Variants in SUGT1 observed in about 807,000 individuals in gnomAD.
SUGT1 encodes protein SGT1 homolog.
A neutral mutation model predicts 56.1 loss-of-function variants in SUGT1; 15 were observed. That is an observed-to-expected ratio of 0.27 (90% CI 0.18 to 0.41). The LOEUF is 0.41. Among genes scored for constraint, SUGT1 ranks in the 10% least tolerant of loss-of-function variants. The pLI, the probability that SUGT1 is intolerant of heterozygous loss-of-function variation, is 1.00. For synonymous variants in SUGT1, 123 were observed against 128.6 expected, an observed-to-expected ratio of 0.96 and a Z score of 0.30; for missense variants, 347 against 382.2, an observed-to-expected ratio of 0.91 and a Z score of 0.77.
rs557491475 is a variant in SUGT1, at chr13:52,686,617, C to T, written c.901-1117C>T. Among the ~76,000 whole-genome samples, 8 of 152,248 alleles carry T rather than the reference C, an allele frequency of 5.3e-5. 1 individual carries two copies. The South Asian group carries it at 8.3e-4, about 16-fold the overall frequency. On this transcript the variant is annotated intron_variant, in intron 12 of 12. Transcript: ENST00000310528. ...TGTAAGGGAGCTCGGTAGAGCGTGT[C>T]GGACATGGGGTTACATTGAGGTTCC...
intron 2 of SUGT1, among the ~76,000 whole-genome samples, chr13:52,653,500 T>G (rs1225602658): frequency 6.6e-6 from 1 of 152,202 alleles, no homozygotes; most frequent in Non-Finnish European, 1.5e-5. Context: ...CGGTATGAAG[T>G]CAGTCTACTG....
intron 11 of SUGT1, among the ~76,000 whole-genome samples, chr13:52,677,559 C>G (rs1963198826): frequency 6.6e-6 from 1 of 152,186 alleles, no homozygotes; most frequent in South Asian, 2.1e-4. Flanking sequence ...TAGTATCTTA[C>G]TTAATTCTAA....
intron 10 of SUGT1, among the ~76,000 whole-genome samples, chr13:52,675,599 C>G (rs1340539444): frequency 6.6e-6 from 1 of 152,124 alleles, no homozygotes; most frequent in African/African-American, 2.4e-5. Context: ...AAAAATCTCC[C>G]ACAGCCTTGA....
chr13:52,653,316 C>T (rs914643210), intron 2 of SUGT1, among the ~76,000 whole-genome samples: 1 of 152,130 alleles, frequency 6.6e-6, no homozygotes, highest in African/African-American at 2.4e-5. Context: ...TTTCCACTCC[C>T]TACAGCTCCT....
At chr13:52,674,085 C>T (rs1389990698) in intron 10 of SUGT1, among the ~76,000 whole-genome samples, 9 of 113,662 alleles carry the variant, frequency 7.9e-5, no homozygotes, top group Non-Finnish European at 1.2e-4. Context: ...GACAGAGTCT[C>T]GCTCTGTTGC....
intron 7 of SUGT1, 39 bp from the exon 8 acceptor site, chr13:52,663,996 C>G (rs775299603): frequency 6.2e-7 from 1 of 1,605,586 alleles, no homozygotes; most frequent in Admixed American, 1.7e-5. Flanking sequence ...TTGTAAAAAT[C>G]TTTCTCTTTC....
intron 11 of SUGT1, among the ~76,000 whole-genome samples, chr13:52,678,238 T>C (rs1963227307): frequency 6.6e-6 from 1 of 152,132 alleles, no homozygotes; most frequent in Non-Finnish European, 1.5e-5. Context: ...GGATATCTAG[T>C]AGAAGGAAGG....
intron 12 of SUGT1, 55 bp from the exon 13 acceptor site, chr13:52,687,679 A>G (rs1963648611): frequency 2.9e-6 from 4 of 1,388,798 alleles, no homozygotes; most frequent in Non-Finnish European, 3.9e-6. Flanking sequence ...TAAGAAAAAT[A>G]TTCTATTTTG....
chr13:52,659,725 G>A lies in SUGT1; in HGVS notation c.328+476G>A, dbSNP rs1011343916. On this transcript the variant is annotated intron_variant, in intron 5 of 12. Transcript: ENST00000310528. ...TGACTTTTAATGTTATATTCTTGAG[G>A]GAATATATGAAAAGTATCACAGTGG... 2.1e-5 allele frequency among the ~76,000 whole-genome samples: 3 copies of A among 142,314 alleles called. No individual in the cohort carries two copies. The Admixed American group carries it at 2.2e-4, about 10-fold the overall frequency. 93.4% of individuals were successfully genotyped at this position (142,314 alleles called of 152,430 possible).
At chr13:52,658,177 A>G (rs760725765) in intron 3 of SUGT1, 16 of 1,476,224 alleles carry the variant, frequency 1.1e-5, no homozygotes, top group Non-Finnish European at 1.3e-5. Context: ...ACACAGCTGT[A>G]TTCATTGAAG....
At chr13:52,683,655 ATTGGTGTTAAC>A (rs1283121247) in intron 12 of SUGT1, among the ~76,000 whole-genome samples, 1 of 152,148 alleles carries the variant, frequency 6.6e-6, no homozygotes, top group African/African-American at 2.4e-5. Context: ...ATTGTGTATA[ATTGGTGTTAAC>A]TTTTCTTAAG....
intron 10 of SUGT1, among the ~76,000 whole-genome samples, chr13:52,671,898 A>C (rs1962960030): frequency 6.6e-6 from 1 of 152,182 alleles, no homozygotes; most frequent in East Asian, 1.9e-4. Flanking sequence ...GAAATAAGTT[A>C]AAATTCTAGC....
intron 10 of SUGT1, among the ~76,000 whole-genome samples, chr13:52,673,470 G>A (rs1963021566): frequency 6.6e-6 from 1 of 152,184 alleles, no homozygotes; most frequent in African/African-American, 2.4e-5. Flanking sequence ...CTATTTTAAT[G>A]AATGGATTAA....
intron 5 of SUGT1, 103 bp from the exon 6 acceptor site, chr13:52,662,541 TCCCCA>T: frequency 1.3e-5 from 13 of 1,031,320 alleles, no homozygotes; most frequent in Admixed American, 8.4e-5. Flanking sequence ...CGCTGCCGAC[TCCCCA>T]GTGCCTAGAA....
chr13:52,662,451 TAAC>T (rs1962498918), intron 5 of SUGT1, among the ~76,000 whole-genome samples, 195 bp from the exon 6 acceptor site: 1 of 152,226 alleles, frequency 6.6e-6, no homozygotes, highest in African/African-American at 2.4e-5. Context: ...GTTTCATGAT[TAAC>T]AACTAAATGT....
chr13:52,683,470 C>T (rs915746214), intron 12 of SUGT1, among the ~76,000 whole-genome samples: 8 of 152,088 alleles, frequency 5.3e-5, no homozygotes, highest in African/African-American at 1.9e-4. Flanking sequence ...CCTACTTTGT[C>T]ATATAGTGTA....
intron 9 of SUGT1, among the ~76,000 whole-genome samples, chr13:52,666,332 C>T (rs1194442032): frequency 6.6e-6 from 1 of 152,196 alleles, no homozygotes; most frequent in East Asian, 1.9e-4. Flanking sequence ...CCATCTCAGC[C>T]TCCCAAAGTG....
chr13:52,676,762 A>G (rs965417514), intron 11 of SUGT1, among the ~76,000 whole-genome samples: 2 of 152,166 alleles, frequency 1.3e-5, no homozygotes, highest in Admixed American at 1.3e-4. Flanking sequence ...TTACAGGGTA[A>G]GGTATCTACC....
chr13:52,687,464 C>G (rs930991390), intron 12 of SUGT1: 1 of 207,020 alleles, frequency 4.8e-6, no homozygotes, highest in Non-Finnish European at 9.5e-6. Flanking sequence ...ATGTAGTGCA[C>G]CTCCCTGACT....
Sources: allele counts gnomAD v4.1 joint callset (sites outside exome capture counted in the v4.1 genomes callset), GRCh38; gene constraint gnomAD v4.1.1; transcripts MANE v1.5; gene names NCBI Gene and HGNC (gene_info 2026-07-23, HGNC 2026-07-21).